The following CFAP299 variants were observed in gnomAD, a reference collection of about 807,000 sequenced individuals.
CFAP299 encodes the protein cilia- and flagella-associated protein 299.
In CFAP299, 21 loss-of-function variants were observed where a neutral mutation model predicts 27.0. That is an observed-to-expected ratio of 0.78 (90% CI 0.55 to 1.12). The LOEUF (loss-of-function observed/expected upper bound fraction) is 1.12, where lower values mean the gene tolerates loss of function less well. Among genes scored for constraint, CFAP299 ranks in the 50% most tolerant of loss-of-function variants. The probability of loss-of-function intolerance (pLI) is 0.00; values close to 1 mark genes in which losing one functional copy is unlikely to be tolerated. For synonymous variants in CFAP299, 104 were observed against 98.1 expected (o/e 1.06, Z -0.36); for missense variants, 310 against 276.6 (o/e 1.12, Z -0.86).
At chr4:80,511,905 G>T (rs1578536248) in intron 2 of CFAP299, among the ~76,000 whole-genome samples, 1 of 152,068 alleles carries the variant, frequency 6.6e-6, no homozygotes, top group Non-Finnish European at 1.5e-5. Context: ...TACACTAGGA[G>T]TAAGATTTCA....
Position 80,400,023 on chromosome 4 carries a change from C to G in CFAP299, c.242+37139C>G, listed in dbSNP as rs1027663371. 2.0e-5 allele frequency among the ~76,000 whole-genome samples: 3 copies of G among 151,774 alleles called. No homozygotes were observed. In the East Asian group the frequency reaches 5.9e-4, roughly 30 times the overall value. On this transcript the variant is annotated intron_variant, in intron 2 of 5. Transcript: ENST00000358105. ...GACTTTTAAAATTAAAATTTAATTC[C>G]TCTATTTGTTGGATTTTTGCCAACT... is the stretch of plus-strand genomic sequence containing the variant.
At chr4:80,453,135 T>C (rs554135077) in intron 2 of CFAP299, among the ~76,000 whole-genome samples, 1 of 152,332 alleles carries the variant, frequency 6.6e-6, no homozygotes, top group Non-Finnish European at 1.5e-5. Context: ...ATTGACATAA[T>C]GTGCACTCTC....
In CFAP299 at chr4:80,880,753, A is replaced by AAAATT. The variant is rs201276433; in HGVS notation, c.476+10632_476+10636dup. Reference sequence around the variant, plus strand: ...AAAATAAAATAAAATAAAATAAAATAAAATTAAATTAAATTAAAATTTTAA... The same window carrying AAAATT: ...AAAATAAAATAAAATAAAATAAAATAAAATTAAATTAAATTAAATTAAAATTTTAA... On this transcript the variant is annotated intron_variant, in intron 4 of 5. Coordinates refer to ENST00000358105, the MANE Select transcript of CFAP299 (RefSeq NM_152770.3). 5.2e-3 allele frequency among the ~76,000 whole-genome samples: 765 copies of AAAATT among 148,082 alleles called. 2 individuals carry two copies. The highest frequency in any genetic ancestry group is 0.024 in the East Asian group (119 of 4,966).
At chr4:80,883,733 A>G (rs1410548935) in intron 4 of CFAP299, among the ~76,000 whole-genome samples, 2 of 152,200 alleles carry the variant, frequency 1.3e-5, no homozygotes, top group Non-Finnish European at 2.9e-5. Context: ...AGAGGATATA[A>G]TTTTTTAAAA....
At chr4:80,879,093 T>C (rs907174375) in intron 4 of CFAP299, among the ~76,000 whole-genome samples, 1 of 152,136 alleles carries the variant, frequency 6.6e-6, no homozygotes, top group Non-Finnish European at 1.5e-5. Flanking sequence ...ATTCTTTAGA[T>C]AACATTTCCA....
intron 2 of CFAP299, chr4:80,388,142 C>T: frequency 1.5e-6 from 1 of 673,756 alleles, no homozygotes; most frequent in South Asian, 1.6e-5. Flanking sequence ...GGGGCCCAGG[C>T]TGTGGGGTGG....
intron 3 of CFAP299, among the ~76,000 whole-genome samples, chr4:80,719,708 G>T (rs973869406): frequency 1.3e-5 from 2 of 152,104 alleles, no homozygotes; most frequent in Non-Finnish European, 2.9e-5. Context: ...TGCAGTGTAG[G>T]TAAGGCCAGT....
Position 80,809,368 on chromosome 4 carries a change from A to G in CFAP299, c.334-60625A>G, listed in dbSNP as rs188273189. Among the ~76,000 whole-genome samples, 112 of 152,290 alleles carry G rather than the reference A, an allele frequency of 7.4e-4. 1 individual carries two copies. Among genetic ancestry groups the G allele is most frequent in the Admixed American group, 6.0e-3 (91 of 15,272 alleles). ...CTAGGGGACAAAAGGTGAAACTTTT[A>G]AGTAAGTAAATTTTCCACAGAATAA... is the stretch of plus-strand genomic sequence containing the variant. On this transcript the variant is annotated intron_variant, in intron 3 of 5. Transcript: ENST00000358105.
intron 2 of CFAP299, among the ~76,000 whole-genome samples, chr4:80,436,761 T>C (rs1728102587): frequency 6.6e-6 from 1 of 152,184 alleles, no homozygotes; most frequent in Admixed American, 6.5e-5. Flanking sequence ...CCTTTTGTCC[T>C]TGGGTAATTT....
intron 4 of CFAP299, among the ~76,000 whole-genome samples, chr4:80,877,696 G>C (rs1733476607): frequency 6.6e-6 from 1 of 152,044 alleles, no homozygotes; most frequent in African/African-American, 2.4e-5. Flanking sequence ...TAAAATTTCA[G>C]TTTAACCGTT....
At chr4:80,676,249 G>T (rs554073319) in intron 3 of CFAP299, among the ~76,000 whole-genome samples, 1 of 152,242 alleles carries the variant, frequency 6.6e-6, no homozygotes, top group South Asian at 2.1e-4. Context: ...TTAGTGTGAT[G>T]TATCACATCT....
chr4:80,722,914 A>C (rs900587390), intron 3 of CFAP299, among the ~76,000 whole-genome samples: 22 of 151,460 alleles, frequency 1.5e-4, no homozygotes, highest in Non-Finnish European at 2.6e-4. Context: ...CAAAACAAAA[A>C]AAAATCAATA....
chr4:80,432,341 C>T lies in CFAP299; in HGVS notation c.242+69457C>T, dbSNP rs566832707. On this transcript the variant is annotated intron_variant, in intron 2 of 5. Coordinates refer to ENST00000358105, the MANE Select transcript of CFAP299 (RefSeq NM_152770.3). Reference sequence around the variant, plus strand: ...TAATTTTTGTATTTTTTAGTAGAGACGGGGTTTCACCATGTTGATCAGGCT... The same window carrying T: ...TAATTTTTGTATTTTTTAGTAGAGATGGGGTTTCACCATGTTGATCAGGCT... Among the ~76,000 whole-genome samples, 18 of 151,560 alleles carry T rather than the reference C, an allele frequency of 1.2e-4. No individual in the cohort carries two copies. In the East Asian group the frequency reaches 1.8e-3, roughly 15 times the overall value.
At chr4:80,502,535 T>C (rs966824092) in intron 2 of CFAP299, among the ~76,000 whole-genome samples, 5 of 152,042 alleles carry the variant, frequency 3.3e-5, no homozygotes, top group Admixed American at 2.6e-4. Context: ...ACAAATCTAT[T>C]GCTGTTTTTT....
intron 3 of CFAP299, chr4:80,648,905 A>C (rs1029554266): frequency 1.3e-5 from 2 of 152,166 alleles, no homozygotes; most frequent in African/African-American, 2.4e-5. Context: ...TTTAGGGTAT[A>C]CAAAAATGGT....
At chr4:80,751,680 A>G (rs916677280) in intron 3 of CFAP299, among the ~76,000 whole-genome samples, 6 of 152,198 alleles carry the variant, frequency 3.9e-5, no homozygotes, top group African/African-American at 1.4e-4. Context: ...TATTTGCCAA[A>G]GCCAGCAGGC....
chr4:80,647,086 T>C (rs376926061), intron 3 of CFAP299, among the ~76,000 whole-genome samples: 49 of 152,190 alleles, frequency 3.2e-4, no homozygotes, highest in African/African-American at 1.1e-3. Context: ...GATTTAGATA[T>C]AGATAAACCT....
intron 3 of CFAP299, among the ~76,000 whole-genome samples, chr4:80,629,869 T>TG (rs1226514551): frequency 9.4e-6 from 1 of 105,850 alleles, no homozygotes; most frequent in African/African-American, 2.8e-5. Flanking sequence ...ACTCTGTATC[T>TG]GGAAAAAAAA....
intron 3 of CFAP299, among the ~76,000 whole-genome samples, chr4:80,584,676 A>G (rs989950111): frequency 1.3e-5 from 2 of 152,044 alleles, no homozygotes; most frequent in African/African-American, 4.8e-5. Flanking sequence ...CTCTTCTACT[A>G]TACACATTTT....
Sources: gnomAD v4.1 joint callset for allele counts (sites outside exome capture counted in the v4.1 genomes callset) on GRCh38, gnomAD v4.1.1 for gene constraint, MANE v1.5 for transcripts, NCBI Gene and HGNC (gene_info 2026-07-23, HGNC 2026-07-21) for gene names.